Variants in OPCML observed in about 807,000 individuals in gnomAD.
The protein encoded by OPCML is opioid-binding protein/cell adhesion molecule.
Under a neutral mutation model 37.8 loss-of-function variants are expected in OPCML, and 13 were observed. The ratio of observed to expected loss-of-function variants is 0.34; its 90% CI spans 0.22 to 0.55. The LOEUF (loss-of-function observed/expected upper bound fraction) is 0.55. OPCML is among the 20% of genes least tolerant of loss of function. The pLI is 0.91. For missense variants in OPCML, 341 were observed against 435.6 expected, an observed-to-expected ratio of 0.78 and a Z score of 1.93; for synonymous variants, 176 against 168.8, an observed-to-expected ratio of 1.04 and a Z score of -0.33.
intron 3 of OPCML, among the ~76,000 whole-genome samples, chr11:132,588,384 G>A (rs1010872455): frequency 3.9e-5 from 6 of 152,128 alleles, no homozygotes; most frequent in Non-Finnish European, 7.4e-5. Flanking sequence ...GCTGAGATGG[G>A]GGGAGTCTAG....
intron 2 of OPCML, among the ~76,000 whole-genome samples, chr11:132,699,601 G>T (rs190497461): frequency 6.6e-6 from 1 of 151,892 alleles, no homozygotes. Context: ...CTGTTGATAC[G>T]ATCATATAAC....
chr11:132,938,483 G>A (rs1945468573), intron 2 of OPCML, among the ~76,000 whole-genome samples: 1 of 152,210 alleles, frequency 6.6e-6, no homozygotes, highest in Non-Finnish European at 1.5e-5. Context: ...AAAAATGTGT[G>A]AGTATTGTCA....
At chr11:133,528,423 C>T (rs894934409) in intron 1 of OPCML, among the ~76,000 whole-genome samples, 31 of 152,290 alleles carry the variant, frequency 2.0e-4, no homozygotes, top group African/African-American at 4.6e-4. Context: ...GTGAGTCTGG[C>T]GCGTGGATTC....
At chr11:133,459,542 C>G (rs145751699) in intron 1 of OPCML, among the ~76,000 whole-genome samples, 1 of 151,836 alleles carries the variant, frequency 6.6e-6, no homozygotes, top group African/African-American at 2.4e-5. Flanking sequence ...GTATTCTATG[C>G]AAATAGTAAC....
At chr11:132,552,972 G>A (rs1342505422) in intron 3 of OPCML, among the ~76,000 whole-genome samples, 1 of 151,910 alleles carries the variant, frequency 6.6e-6, no homozygotes, top group Non-Finnish European at 1.5e-5. Context: ...CACAGTGTTA[G>A]CCAGGATGGT....
At chr11:133,435,853 C>G (rs1946222411) in intron 1 of OPCML, among the ~76,000 whole-genome samples, 1 of 152,214 alleles carries the variant, frequency 6.6e-6, no homozygotes, top group Non-Finnish European at 1.5e-5. Context: ...GGGACAAGAG[C>G]ACATTACGCA....
chr11:133,235,984 G>A (rs1940496534), intron 1 of OPCML, among the ~76,000 whole-genome samples: 1 of 152,180 alleles, frequency 6.6e-6, no homozygotes, highest in African/African-American at 2.4e-5. Context: ...GCTTAAAACT[G>A]AGAATGGTAG....
chr11:132,527,437 A>G (rs1002055645), intron 4 of OPCML, among the ~76,000 whole-genome samples: 1 of 152,192 alleles, frequency 6.6e-6, no homozygotes, highest in South Asian at 2.1e-4. Flanking sequence ...GGGATTATAT[A>G]ACGGTATCTC....
At chr11:133,348,254 A>G (rs1944045655) in intron 1 of OPCML, among the ~76,000 whole-genome samples, 1 of 152,188 alleles carries the variant, frequency 6.6e-6, no homozygotes, top group Non-Finnish European at 1.5e-5. Flanking sequence ...GATTCACCAG[A>G]GCCCAGATGC....
chr11:133,527,022 T>C (rs1414151093), intron 1 of OPCML, among the ~76,000 whole-genome samples: 1 of 152,172 alleles, frequency 6.6e-6, no homozygotes, highest in Non-Finnish European at 1.5e-5. Context: ...GGAATCACAG[T>C]TTGCTTCCAT....
intron 1 of OPCML, among the ~76,000 whole-genome samples, chr11:133,328,598 A>C (rs903636575): frequency 6.6e-5 from 10 of 152,182 alleles, no homozygotes; most frequent in African/African-American, 2.2e-4. Context: ...ACTTTACTAA[A>C]TATTGAGGAC....
At chr11:133,050,105 C>T (rs1471547554) in intron 1 of OPCML, among the ~76,000 whole-genome samples, 2 of 152,104 alleles carry the variant, frequency 1.3e-5, no homozygotes, top group African/African-American at 2.4e-5. Flanking sequence ...CTAAACAGCC[C>T]CTGGGCCAGC....
At chr11:133,008,909 A>T (rs556446645) in intron 1 of OPCML, 2 of 985,322 alleles carry the variant, frequency 2.0e-6, no homozygotes, top group Non-Finnish European at 1.2e-6. Flanking sequence ...ATCTGCACAT[A>T]AACACACCTG....
intron 2 of OPCML, among the ~76,000 whole-genome samples, chr11:132,900,628 A>C (rs1944024042): frequency 6.6e-6 from 1 of 152,188 alleles, no homozygotes; most frequent in Non-Finnish European, 1.5e-5. Flanking sequence ...CAGACTTGGC[A>C]CTGTCTCCGC....
chr11:133,130,104 A>C (rs1949580359), intron 1 of OPCML, among the ~76,000 whole-genome samples: 1 of 152,118 alleles, frequency 6.6e-6, no homozygotes, highest in South Asian at 2.1e-4. Flanking sequence ...ATGAAAAATG[A>C]GCAAACAATC....
At chr11:133,450,068 T>C (rs375483307) in intron 1 of OPCML, among the ~76,000 whole-genome samples, 1 of 151,708 alleles carries the variant, frequency 6.6e-6, no homozygotes, top group East Asian at 1.9e-4. Flanking sequence ...TGTCTTATGC[T>C]AAGAGTTGAT....
intron 4 of OPCML, among the ~76,000 whole-genome samples, chr11:132,490,979 T>G (rs893344587): frequency 6.8e-6 from 1 of 146,320 alleles, no homozygotes; most frequent in African/African-American, 2.7e-5. Flanking sequence ...GGAACTCAGT[T>G]CAAAAGCCTC....
chr11:132,532,661 T>C (rs2096328988), intron 3 of OPCML, among the ~76,000 whole-genome samples: 1 of 152,142 alleles, frequency 6.6e-6, no homozygotes, highest in Non-Finnish European at 1.5e-5. Context: ...CGTTCATGCA[T>C]TTGTGTGCTC....
chr11:132,583,437 T>C (rs1001208195), intron 3 of OPCML, among the ~76,000 whole-genome samples: 5 of 152,084 alleles, frequency 3.3e-5, no homozygotes, highest in African/African-American at 7.2e-5. Context: ...AAACCGGGTC[T>C]ACAGGCACGT....
Sources: allele counts gnomAD v4.1 joint callset (sites outside exome capture counted in the v4.1 genomes callset), GRCh38; gene constraint gnomAD v4.1.1; transcripts MANE v1.5; gene names NCBI Gene and HGNC (gene_info 2026-07-23, HGNC 2026-07-21).